The following CFAP58 variants were observed in gnomAD, a reference collection of about 807,000 sequenced individuals.
CFAP58 encodes the protein cilia- and flagella-associated protein 58.
In CFAP58, 88 loss-of-function variants were observed where a neutral mutation model predicts 119.5. That is an observed-to-expected ratio of 0.74 (90% CI 0.62 to 0.88). The LOEUF (loss-of-function observed/expected upper bound fraction) is 0.88. Ranked by LOEUF, CFAP58 falls within the 40% of genes least tolerant of loss-of-function variation. CFAP58 has a pLI of 0.00. For synonymous variants in CFAP58, 365 were observed against 366.3 expected (o/e 1.00, Z 0.04); for missense variants, 990 against 1,021.2 (o/e 0.97, Z 0.42).
intron 15 of CFAP58, 109 bp from the exon 16 acceptor site, chr10:104,447,589 T>C (rs2013129786): frequency 7.7e-7 from 1 of 1,298,864 alleles, no homozygotes; most frequent in Non-Finnish European, 1.1e-6. Flanking sequence ...ACTGTGGAGC[T>C]GTGAAGTAGC....
chr10:104,410,879 GT>G (rs2012449073), intron 15 of CFAP58, among the ~76,000 whole-genome samples: 1 of 151,876 alleles, frequency 6.6e-6, no homozygotes, highest in African/African-American at 2.4e-5. Context: ...CCTAGTTGAT[GT>G]TTTTCTTCTC....
intron 9 of CFAP58, among the ~76,000 whole-genome samples, chr10:104,390,367 G>T (rs976945792): frequency 2.0e-5 from 3 of 152,088 alleles, no homozygotes; most frequent in African/African-American, 7.2e-5. Flanking sequence ...TGCATTAAGA[G>T]TAATTATAAG....
intron 11 of CFAP58, among the ~76,000 whole-genome samples, chr10:104,396,973 T>A (rs994354558): frequency 3.9e-5 from 6 of 152,216 alleles, no homozygotes; most frequent in Non-Finnish European, 5.9e-5. Flanking sequence ...AGAATTTTGA[T>A]ATATTATGAA....
chr10:104,398,909 G>A (rs2012209949), intron 11 of CFAP58, among the ~76,000 whole-genome samples: 1 of 152,058 alleles, frequency 6.6e-6, no homozygotes, highest in Non-Finnish European at 1.5e-5. Flanking sequence ...GCTTACAAAG[G>A]GCTTTACCTT....
intron 15 of CFAP58, among the ~76,000 whole-genome samples, chr10:104,439,954 G>C (rs1278123619): frequency 6.6e-6 from 1 of 152,156 alleles, no homozygotes; most frequent in African/African-American, 2.4e-5. Context: ...TGAGTAGCTG[G>C]GACTACAGGC....
At chr10:104,374,453 G>GAAAA (rs71022730) in intron 7 of CFAP58, among the ~76,000 whole-genome samples, 1 of 30,692 alleles carries the variant, frequency 3.3e-5, no homozygotes, top group African/African-American at 1.2e-4. Flanking sequence ...CTTGTTTCAG[G>GAAAA]AAAAAAAAAA....
chr10:104,435,407 G>A (rs1045110912), intron 15 of CFAP58, among the ~76,000 whole-genome samples: 7 of 152,130 alleles, frequency 4.6e-5, no homozygotes, highest in East Asian at 3.9e-4. Context: ...TCTTGAACCC[G>A]GGAGGTGGAG....
rs1210006592 is a variant in CFAP58 at position 104,357,984 on chromosome 10, TACACATATATGTACAC to T, written c.10-355_10-340del. 3.5e-5 allele frequency among the ~76,000 whole-genome samples: 5 copies of T among 142,310 alleles called. No homozygotes were observed. The East Asian group carries it at 8.7e-4, about 25-fold the overall frequency. The allele number at this position is 142,310 out of a possible 152,430, so 93.4% of individuals were successfully genotyped here. ...ATATATGTACACATATGTACATATG[TACACATATATGTACAC>T]ATATATACACATATATGTACATATA... On this transcript the variant is annotated intron_variant, in intron 1 of 17. Transcript: ENST00000369704.
chr10:104,371,045 T>C lies in CFAP58; in HGVS notation c.1081T>C (p.Leu361=). 1 of 1,607,270 alleles carries C rather than the reference T, an allele frequency of 6.2e-7. No homozygotes were observed. The highest frequency in any genetic ancestry group is 8.5e-7 in the Non-Finnish European group (1 of 1,178,164). Residue 361 remains leucine (L), a synonymous_variant, in exon 7 of 18, where the codon TTA becomes CTA. Transcript: ENST00000369704. ...KETLKNQIVG[L]EREVEASKKQ... ...AACCCTAAAAAATCAGATTGTGGGA[T>C]TAGAGAGAGGTAAACCATTTTGCGC...
chr10:104,377,304 AG>A, intron 8 of CFAP58, among the ~76,000 whole-genome samples: 1 of 152,348 alleles, frequency 6.6e-6, no homozygotes, highest in South Asian at 2.1e-4. Flanking sequence ...TGTTAGGTGT[AG>A]GAATGGCAGG....
intron 2 of CFAP58, among the ~76,000 whole-genome samples, chr10:104,360,162 T>C (rs2014646972): frequency 6.6e-6 from 1 of 152,252 alleles, no homozygotes; most frequent in Non-Finnish European, 1.5e-5. Flanking sequence ...TTATAGGTTC[T>C]TATCTGTATA....
chr10:104,377,012 A>G (rs1022034530), intron 8 of CFAP58, 119 bp downstream of exon 8: 28 of 683,514 alleles, frequency 4.1e-5, no homozygotes, highest in Non-Finnish European at 3.0e-5. Context: ...GATTAGAATA[A>G]ATAATAGTGC....
intron 15 of CFAP58, among the ~76,000 whole-genome samples, chr10:104,417,966 T>C (rs1323153584): frequency 6.6e-6 from 1 of 152,232 alleles, no homozygotes; most frequent in Non-Finnish European, 1.5e-5. Flanking sequence ...CACCTGTTTT[T>C]ATATGGCCTG....
At position 104,376,880 on chromosome 10, in the gene CFAP58, A is replaced by C. The variant is rs760714201; in HGVS notation, c.1160A>C (p.Asp387Ala). Residue 387 changes from aspartate (D) to alanine (A), a missense_variant, in exon 8 of 18, where the codon GAC (aspartate) becomes GCC (alanine). Coordinates refer to ENST00000369704, the MANE Select transcript of CFAP58 (RefSeq NM_001008723.2). ...ATGGACGAGCTTCTAAGAGAAAGGG[A>C]CATACTAAATAAGGTGAGTGTGTTA... ...KAMDELLRER[D>A]ILNKNMLKAV... 1 of 1,612,628 alleles carries C rather than the reference A, an allele frequency of 6.2e-7. No homozygotes were observed. Among genetic ancestry groups the C allele is most frequent in the Non-Finnish European group, 8.5e-7 (1 of 1,178,854 alleles).
upstream of CFAP58, among the ~76,000 whole-genome samples, chr10:104,350,864 A>T (rs1277246017): frequency 6.6e-6 from 1 of 152,096 alleles, no homozygotes; most frequent in Non-Finnish European, 1.5e-5. Context: ...TGTTTACTGG[A>T]TTGAACTGCT....
intron 9 of CFAP58, chr10:104,382,348 A>C: frequency 1.8e-6 from 1 of 566,058 alleles, no homozygotes; most frequent in Non-Finnish European, 3.3e-6. Context: ...ATATATTTGA[A>C]CATAAAATGT....
At chr10:104,353,670 A>G (rs1589904085), upstream of CFAP58, 5 of 540,758 alleles carry the variant, frequency 9.2e-6, no homozygotes, top group South Asian at 1.2e-4. Context: ...TCTCTGAGGA[A>G]CCCTGCCCAG....
At chr10:104,413,614 G>A (rs965450043) in intron 15 of CFAP58, among the ~76,000 whole-genome samples, 1 of 152,068 alleles carries the variant, frequency 6.6e-6, no homozygotes, top group Non-Finnish European at 1.5e-5. Flanking sequence ...AATCCTTCAG[G>A]ATTAATGACT....
intron 7 of CFAP58, among the ~76,000 whole-genome samples, chr10:104,373,959 G>C (rs2014855759): frequency 6.6e-6 from 1 of 152,158 alleles, no homozygotes; most frequent in South Asian, 2.1e-4. Context: ...GTGCAGTATG[G>C]ATTCTTAAGA....
Sources: allele counts gnomAD v4.1 joint callset (sites outside exome capture counted in the v4.1 genomes callset), GRCh38; gene constraint gnomAD v4.1.1; transcripts MANE v1.5; gene names NCBI Gene and HGNC (gene_info 2026-07-23, HGNC 2026-07-21).